TACR3: variants seen among roughly 807,000 people sequenced by gnomAD.
TACR3 encodes the protein tachykinin receptor 3.
Under a neutral mutation model 35.0 loss-of-function variants are expected in TACR3, and 34 were observed. The observed-to-expected ratio is 0.97, with a 90% CI of 0.74 to 1.30. The LOEUF is 1.30. TACR3 is among the 50% of genes most tolerant of loss of function. The probability of loss-of-function intolerance (pLI) is 0.00; values close to 1 mark genes in which losing one functional copy is unlikely to be tolerated. For synonymous variants in TACR3, 233 were observed against 221.1 expected (o/e 1.05, Z -0.48); for missense variants, 558 against 591.7 (o/e 0.94, Z 0.59).
At chr4:103,598,959 A>T (rs1724116079) in intron 3 of TACR3, among the ~76,000 whole-genome samples, 1 of 152,096 alleles carries the variant, frequency 6.6e-6, no homozygotes, top group South Asian at 2.1e-4. Flanking sequence ...TTCCATATGA[A>T]CTTTAAAGTA....
At chr4:103,591,925 G>A (rs925651493) in intron 3 of TACR3, among the ~76,000 whole-genome samples, 6 of 151,998 alleles carry the variant, frequency 3.9e-5, no homozygotes, top group African/African-American at 7.2e-5. Context: ...ACTCAAACAC[G>A]GACAAATATA....
intron 3 of TACR3, among the ~76,000 whole-genome samples, chr4:103,594,867 A>T (rs1175791610): frequency 6.6e-6 from 1 of 152,170 alleles, no homozygotes; most frequent in African/African-American, 2.4e-5. Flanking sequence ...AGAAATGTTT[A>T]TAAGTGAAAC....
intron 1 of TACR3, among the ~76,000 whole-genome samples, chr4:103,704,105 CAAAAAAAAAAA>C (rs59034473): frequency 1.1e-4 from 7 of 64,610 alleles, no homozygotes; most frequent in East Asian, 5.5e-4. Flanking sequence ...CTCTATCTCA[CAAAAAAAAAAA>C]AAAAAAAAAA....
At chr4:103,618,564 C>CTTTTTTTTTTTTTTTTTTTT (rs57837921) in intron 3 of TACR3, among the ~76,000 whole-genome samples, 5 of 61,452 alleles carry the variant, frequency 8.1e-5, no homozygotes, top group African/African-American at 3.6e-4. Flanking sequence ...GTGACTTGGG[C>CTTTTTTTTTTTTTTTTTTTT]TTTTTTTTTT....
chr4:103,700,601 A>G (rs1722626865), intron 1 of TACR3, among the ~76,000 whole-genome samples: 1 of 152,192 alleles, frequency 6.6e-6, no homozygotes, highest in South Asian at 2.1e-4. Flanking sequence ...AAATTATTTT[A>G]CTGCTTACAA....
chr4:103,657,496 T>A (rs981407178), intron 2 of TACR3, among the ~76,000 whole-genome samples: 5 of 152,058 alleles, frequency 3.3e-5, no homozygotes, highest in African/African-American at 1.2e-4. Context: ...GTAGATAAAA[T>A]GACTGCTTTA....
intron 1 of TACR3, among the ~76,000 whole-genome samples, chr4:103,659,133 A>AGG (rs1278520243): frequency 6.6e-6 from 1 of 152,148 alleles, no homozygotes; most frequent in Non-Finnish European, 1.5e-5. Flanking sequence ...AATGGCAGTA[A>AGG]AAACAGATGA....
intron 3 of TACR3, among the ~76,000 whole-genome samples, chr4:103,622,566 C>T (rs1036653666): frequency 2.6e-5 from 4 of 152,100 alleles, no homozygotes; most frequent in African/African-American, 9.7e-5. Context: ...CCCGTCTCTA[C>T]TAAAAATACA....
chr4:103,639,518 C>G (rs543762472), intron 3 of TACR3, among the ~76,000 whole-genome samples: 2 of 152,006 alleles, frequency 1.3e-5, no homozygotes, highest in African/African-American at 4.8e-5. Flanking sequence ...GTGCAGCACA[C>G]CAACATGGCA....
intron 3 of TACR3, among the ~76,000 whole-genome samples, chr4:103,638,402 A>T (rs1725250345): frequency 6.6e-6 from 1 of 151,994 alleles, no homozygotes; most frequent in African/African-American, 2.4e-5. Flanking sequence ...GAAAGCTGAA[A>T]CTGGATCCCT....
chr4:103,692,797 C>A (rs1305418097), intron 1 of TACR3, among the ~76,000 whole-genome samples: 6 of 152,118 alleles, frequency 3.9e-5, no homozygotes, highest in South Asian at 2.1e-4. Context: ...ATATAGTAAA[C>A]CTCAGTGTGA....
chr4:103,679,831 A>C (rs1217314270), intron 1 of TACR3, among the ~76,000 whole-genome samples: 2 of 151,590 alleles, frequency 1.3e-5, no homozygotes, highest in African/African-American at 4.8e-5. Context: ...AAAAGATTGG[A>C]TATCAATTAT....
chr4:103,597,235 C>T (rs1724051586), intron 3 of TACR3, among the ~76,000 whole-genome samples: 2 of 150,524 alleles, frequency 1.3e-5, no homozygotes, highest in African/African-American at 2.4e-5. Flanking sequence ...AAAAGTGTTC[C>T]TATTTCTCCA....
chr4:103,618,040 T>C (rs1314188028), intron 3 of TACR3, among the ~76,000 whole-genome samples: 1 of 152,138 alleles, frequency 6.6e-6, no homozygotes, highest in Non-Finnish European at 1.5e-5. Context: ...GGAAAAATAT[T>C]TTTTCACTGG....
At chr4:103,601,868 A>C (rs1031974477) in intron 3 of TACR3, among the ~76,000 whole-genome samples, 1 of 151,962 alleles carries the variant, frequency 6.6e-6, no homozygotes, top group African/African-American at 2.4e-5. Flanking sequence ...TGTGTCTTTT[A>C]GTTGCTATTC....
Position 103,586,800 on chromosome 4 carries a change from C to T in TACR3, c.*2882G>A, listed in dbSNP as rs569793013. 1.4e-4 allele frequency: 22 copies of T among 152,082 alleles called. No individual in the cohort carries two copies. Among genetic ancestry groups the T allele is most frequent in the African/African-American group, 4.8e-4 (20 of 41,466 alleles). The allele number at this position is 152,082 out of a possible 1,614,324, so 9.4% of individuals were successfully genotyped here. A position where few individuals can be genotyped will look rare whatever the true frequency, so the allele number is the denominator to read the frequency against. ...GAGTGAATTCTGTAACAATTATGTC[C>T]GCTTTAATATTTTCCCATACAGGTA... On this transcript the variant is annotated 3_prime_UTR_variant, in exon 5 of 5. Coordinates refer to ENST00000304883, the MANE Select transcript of TACR3 (RefSeq NM_001059.3).
intron 1 of TACR3, among the ~76,000 whole-genome samples, chr4:103,709,942 T>G (rs1414842262): frequency 6.6e-6 from 1 of 151,932 alleles, no homozygotes; most frequent in Non-Finnish European, 1.5e-5. Flanking sequence ...AGGGATCAAT[T>G]CAACAAGAAG....
At chr4:103,669,825 C>A (rs897280091) in intron 1 of TACR3, among the ~76,000 whole-genome samples, 7 of 151,654 alleles carry the variant, frequency 4.6e-5, no homozygotes, top group Non-Finnish European at 5.9e-5. Context: ...TTGGTGTGAT[C>A]CCATTTATGG....
chr4:103,649,019 G>A (rs1025248842), intron 3 of TACR3, among the ~76,000 whole-genome samples: 7 of 152,046 alleles, frequency 4.6e-5, no homozygotes, highest in Non-Finnish European at 8.8e-5. Flanking sequence ...GTTTGGAATT[G>A]CACTTCTTTG....
Sources: gnomAD v4.1 joint callset for allele counts (sites outside exome capture counted in the v4.1 genomes callset) on GRCh38, gnomAD v4.1.1 for gene constraint, MANE v1.5 for transcripts, NCBI Gene and HGNC (gene_info 2026-07-23, HGNC 2026-07-21) for gene names.